The following PIWIL2 variants were observed in gnomAD, a reference collection of about 807,000 sequenced individuals.
The protein encoded by PIWIL2 is piwi-like protein 2.
A neutral mutation model predicts 116.5 loss-of-function variants in PIWIL2; 81 were observed. The observed-to-expected ratio is 0.70, with a 90% CI of 0.58 to 0.84. PIWIL2 has a LOEUF of 0.84. Ranked by LOEUF, PIWIL2 falls within the 40% of genes least tolerant of loss-of-function variation. PIWIL2 has a pLI of 0.00. For synonymous variants in PIWIL2, 489 were observed against 429.5 expected (o/e 1.14, Z -1.71); for missense variants, 1,272 against 1,212.3 (o/e 1.05, Z -0.73).
chr8:22,284,502 G>A (rs981116292), intron 6 of PIWIL2, among the ~76,000 whole-genome samples: 8 of 151,582 alleles, frequency 5.3e-5, no homozygotes, highest in Non-Finnish European at 8.8e-5. Context: ...ATTTATACAT[G>A]AGGCTAGAAG....
chr8:22,319,788 T>C (rs1011880944), intron 20 of PIWIL2, among the ~76,000 whole-genome samples: 11 of 152,204 alleles, frequency 7.2e-5, no homozygotes, highest in African/African-American at 2.4e-4. Context: ...GTGGAAGTCA[T>C]GCTGCATTTT....
intron 19 of PIWIL2, among the ~76,000 whole-genome samples, chr8:22,316,574 T>C (rs1174794419): frequency 6.6e-6 from 1 of 151,938 alleles, no homozygotes; most frequent in East Asian, 1.9e-4. Context: ...CTCCACCTTC[T>C]GGGTTCAAGT....
At chr8:22,340,284 C>T (rs1270008997) in intron 20 of PIWIL2, among the ~76,000 whole-genome samples, 8 of 151,916 alleles carry the variant, frequency 5.3e-5, no homozygotes, top group South Asian at 2.1e-4. Context: ...CTTGAACTCC[C>T]GACCTCGGGT....
intron 17 of PIWIL2, 127 bp downstream of exon 17, chr8:22,314,556 G>A (rs918501602): frequency 6.5e-6 from 3 of 463,684 alleles, no homozygotes; most frequent in Non-Finnish European, 1.1e-5. Context: ...GAGCCTTCTG[G>A]TGAAAGGTTC....
At chr8:22,328,824 T>G (rs1273559123) in intron 20 of PIWIL2, among the ~76,000 whole-genome samples, 12 of 150,802 alleles carry the variant, frequency 8.0e-5, no homozygotes, top group Non-Finnish European at 1.5e-4. Flanking sequence ...AGTCGTTTTT[T>G]TTTTTTTTTT....
At chr8:22,288,130 C>T (rs1245343360) in intron 7 of PIWIL2, among the ~76,000 whole-genome samples, 1 of 151,976 alleles carries the variant, frequency 6.6e-6, no homozygotes, top group Non-Finnish European at 1.5e-5. Context: ...AACCCTGTCT[C>T]TACTAAAAAT....
chr8:22,314,232 T>C (rs1563389045), intron 16 of PIWIL2, 96 bp from the exon 17 acceptor site: 2 of 530,432 alleles, frequency 3.8e-6, no homozygotes, highest in East Asian at 6.2e-5. Flanking sequence ...TTAAAGGTCC[T>C]ATGGCTTTGC....
At position 22,322,595 on chromosome 8, in the gene PIWIL2, T is replaced by C. The variant is rs1448446727; in HGVS notation, c.2403+4320T>C. ...TACCCTGTCCTGTCCCGTCCCGTCCTGTCCCGTCCCATCCCATCTTGTCCT... is the reference window on the plus strand; with the variant it reads ...TACCCTGTCCTGTCCCGTCCCGTCCCGTCCCGTCCCATCCCATCTTGTCCT... On this transcript the variant is annotated intron_variant, in intron 20 of 22. Coordinates refer to ENST00000356766, the MANE Select transcript of PIWIL2 (RefSeq NM_018068.5). Among the ~76,000 whole-genome samples the C allele has an allele frequency of 4.0e-5, 6 of 149,876 alleles. 1 individual carries two copies. In the Middle Eastern group the frequency reaches 0.02, roughly 510 times the overall value.
In PIWIL2 at chr8:22,345,333, G is replaced by A. The variant is rs115900518; in HGVS notation, c.2404-7626G>A. ...CACAAAAACTTATACACAAATGTTC[G>A]TAGCAACATTATTCATAATGGCCAG... is the stretch of plus-strand genomic sequence containing the variant. On this transcript the variant is annotated intron_variant, in intron 20 of 22. Transcript: ENST00000356766. 5.8e-3 allele frequency among the ~76,000 whole-genome samples: 880 copies of A among 152,250 alleles called. 7 individuals are homozygous for A. The highest frequency in any genetic ancestry group is 0.019 in the African/African-American group (796 of 41,524).
chr8:22,320,489 C>A (rs1031267350), intron 20 of PIWIL2, among the ~76,000 whole-genome samples: 1 of 151,632 alleles, frequency 6.6e-6, no homozygotes, highest in East Asian at 1.9e-4. Context: ...CCAGACTGGG[C>A]TGGTCTCGAA....
intron 7 of PIWIL2, 139 bp downstream of exon 7, chr8:22,287,784 G>A (rs1420462147): frequency 3.1e-6 from 2 of 652,018 alleles, no homozygotes; most frequent in African/African-American, 3.6e-5. Flanking sequence ...TGGGACTACA[G>A]GCGTGTGAGC....
At chr8:22,318,382 A>G (rs1046186134) in intron 20 of PIWIL2, 107 bp downstream of exon 20, 2 of 621,430 alleles carry the variant, frequency 3.2e-6, no homozygotes, top group African/African-American at 1.9e-5. Flanking sequence ...CAGTGGTGCG[A>G]TCTCTGTTCA....
chr8:22,291,512 G>C (rs1278392081), intron 10 of PIWIL2, among the ~76,000 whole-genome samples: 1 of 152,114 alleles, frequency 6.6e-6, no homozygotes, highest in African/African-American at 2.4e-5. Flanking sequence ...CTGTACATCT[G>C]ATTTTTTTAG....
chr8:22,298,910 G>A (rs929550395), intron 10 of PIWIL2, among the ~76,000 whole-genome samples: 3 of 152,172 alleles, frequency 2.0e-5, no homozygotes, highest in African/African-American at 7.2e-5. Context: ...TGATTGGCTG[G>A]CTTATAGAAA....
chr8:22,347,355 C>T (rs924427126), intron 20 of PIWIL2, among the ~76,000 whole-genome samples: 1 of 151,622 alleles, frequency 6.6e-6, no homozygotes, highest in African/African-American at 2.4e-5. Context: ...GCTGGGACTA[C>T]AGGTGCCCGC....
In PIWIL2 at chr8:22,355,620, T is replaced by A. The variant is rs762214011; in HGVS notation, c.*115T>A. 2.3e-6 allele frequency: 2 copies of A among 872,466 alleles called. No individual in the cohort carries two copies. Among genetic ancestry groups the A allele is most frequent in the African/African-American group, 1.7e-5 (1 of 59,330 alleles). 54.0% of individuals were successfully genotyped at this position (872,466 alleles called of 1,614,324 possible). A position where few individuals can be genotyped will look rare whatever the true frequency, so the allele number is the denominator to read the frequency against. On this transcript the variant is annotated 3_prime_UTR_variant, in exon 23 of 23. Coordinates refer to ENST00000356766, the MANE Select transcript of PIWIL2 (RefSeq NM_018068.5). ...CTTTTGTGTTATAATTTTCCCTTTC[T>A]CCAACCCTGTAGAATAAGATTTCTT...
chr8:22,355,622 C>A lies in PIWIL2; in HGVS notation c.*117C>A. The A allele has an allele frequency of 2.3e-6, 2 of 864,096 alleles. No homozygotes were observed. The highest frequency in any genetic ancestry group is 3.6e-6 in the Non-Finnish European group (2 of 562,496). 53.5% of individuals were successfully genotyped at this position (864,096 alleles called of 1,614,324 possible). Reference sequence around the variant, plus strand: ...TTTGTGTTATAATTTTCCCTTTCTCCAACCCTGTAGAATAAGATTTCTTTC... The same window carrying A: ...TTTGTGTTATAATTTTCCCTTTCTCAAACCCTGTAGAATAAGATTTCTTTC... On this transcript the variant is annotated 3_prime_UTR_variant, in exon 23 of 23. Coordinates refer to ENST00000356766, the MANE Select transcript of PIWIL2 (RefSeq NM_018068.5).
chr8:22,311,344 A>G, intron 16 of PIWIL2, 44 bp downstream of exon 16: 1 of 1,451,548 alleles, frequency 6.9e-7, no homozygotes, highest in Non-Finnish European at 9.6e-7. Context: ...TCCATTTTAA[A>G]TTACTTAAAT....
chr8:22,348,193 C>T (rs913667217), intron 20 of PIWIL2, among the ~76,000 whole-genome samples: 5 of 151,838 alleles, frequency 3.3e-5, no homozygotes, highest in East Asian at 1.9e-4. Context: ...CCCAGCTACT[C>T]GGGGGCCGAG....
Sources: allele counts gnomAD v4.1 joint callset (sites outside exome capture counted in the v4.1 genomes callset), GRCh38; gene constraint gnomAD v4.1.1; transcripts MANE v1.5; gene names NCBI Gene and HGNC (gene_info 2026-07-23, HGNC 2026-07-21).